Variants in EPHA3 observed in about 807,000 individuals in gnomAD.
EPHA3 encodes EPH receptor A3, also known as ephrin type-A receptor 3.
EPHA3 carries 42 observed loss-of-function variants against 107.1 expected under a neutral mutation model. The ratio of observed to expected loss-of-function variants is 0.39; its 90% CI spans 0.31 to 0.51. The LOEUF (loss-of-function observed/expected upper bound fraction) is 0.51. EPHA3 is among the 20% of genes least tolerant of loss of function. The pLI is 0.78. For missense variants in EPHA3, 1,183 were observed against 1,211.2 expected (o/e 0.98, Z 0.35); for synonymous variants, 461 against 424.8 (o/e 1.09, Z -1.05).
At chr3:89,403,112 G>A (rs1191230576) in intron 7 of EPHA3, among the ~76,000 whole-genome samples, 3 of 152,178 alleles carry the variant, frequency 2.0e-5, no homozygotes, top group African/African-American at 4.8e-5. Flanking sequence ...TGGAGGCAGA[G>A]CAGAGCACAT....
At chr3:89,195,472 A>G (rs1705817507) in intron 2 of EPHA3, among the ~76,000 whole-genome samples, 2 of 152,170 alleles carry the variant, frequency 1.3e-5, no homozygotes. Flanking sequence ...GGATAAAATG[A>G]TGCAATGCCA....
At chr3:89,218,094 G>A (rs971750047) in intron 3 of EPHA3, among the ~76,000 whole-genome samples, 2 of 152,146 alleles carry the variant, frequency 1.3e-5, no homozygotes, top group South Asian at 2.1e-4. Flanking sequence ...GAATTGGGGG[G>A]AAGGAGGATA....
At chr3:89,229,940 T>C (rs1704589918) in intron 3 of EPHA3, among the ~76,000 whole-genome samples, 1 of 151,844 alleles carries the variant, frequency 6.6e-6, no homozygotes, top group African/African-American at 2.4e-5. Context: ...AAAATGTCAA[T>C]TTTAGAATAT....
chr3:89,172,827 T>C (rs1252230671), intron 2 of EPHA3, among the ~76,000 whole-genome samples: 3 of 152,162 alleles, frequency 2.0e-5, no homozygotes, highest in Non-Finnish European at 2.9e-5. Context: ...ATTGTCATGA[T>C]TTATTCTGTC....
chr3:89,219,688 G>GTGTTTTTTTTTGTATTTTTT, intron 3 of EPHA3, among the ~76,000 whole-genome samples: 1 of 34,440 alleles, frequency 2.9e-5, no homozygotes, highest in Non-Finnish European at 5.2e-5. Context: ...ATTTGGCAAT[G>GTGTTTTTTTTTGTATTTTTT]TTTTTTTTTT....
chr3:89,169,371 G>A (rs1206983771), intron 2 of EPHA3, among the ~76,000 whole-genome samples: 1 of 152,020 alleles, frequency 6.6e-6, no homozygotes, highest in Admixed American at 6.6e-5. Flanking sequence ...CATAGTAGTT[G>A]GGTCTTAGCT....
intron 5 of EPHA3, among the ~76,000 whole-genome samples, chr3:89,371,814 T>C (rs1357995761): frequency 2.6e-5 from 4 of 151,604 alleles, no homozygotes; most frequent in Non-Finnish European, 5.9e-5. Context: ...ATTTATTATA[T>C]GGAAATCTTT....
At chr3:89,115,729 A>G (rs544584246) in intron 1 of EPHA3, among the ~76,000 whole-genome samples, 15 of 152,316 alleles carry the variant, frequency 9.8e-5, no homozygotes, top group African/African-American at 3.1e-4. Flanking sequence ...AATAGGTAAC[A>G]TAATGTTTCC....
intron 3 of EPHA3, among the ~76,000 whole-genome samples, chr3:89,286,118 A>C: frequency 1.0e-5 from 1 of 99,762 alleles, no homozygotes; most frequent in Non-Finnish European, 2.1e-5. Flanking sequence ...ATCAATTTCT[A>C]CGTGTGTGTG....
chr3:89,216,817 T>C (rs781030289), intron 3 of EPHA3, among the ~76,000 whole-genome samples: 4 of 152,162 alleles, frequency 2.6e-5, no homozygotes, highest in Non-Finnish European at 5.9e-5. Context: ...ATACATGTAA[T>C]GATTCCAGAG....
chr3:89,109,312 T>C (rs1707044013), intron 1 of EPHA3, among the ~76,000 whole-genome samples: 1 of 152,128 alleles, frequency 6.6e-6, no homozygotes, highest in African/African-American at 2.4e-5. Flanking sequence ...GAATGAAAGG[T>C]AAGAGTATTC....
At chr3:89,341,182 T>C (rs1576321728) in intron 4 of EPHA3, 111 bp downstream of exon 4, 4 of 1,169,994 alleles carry the variant, frequency 3.4e-6, no homozygotes, top group Non-Finnish European at 4.7e-6. Flanking sequence ...CTGTTGCCCG[T>C]GTGCAAATTG....
intron 5 of EPHA3, among the ~76,000 whole-genome samples, chr3:89,368,640 T>C (rs1337100984): frequency 1.3e-5 from 2 of 150,226 alleles, no homozygotes; most frequent in East Asian, 3.9e-4. Context: ...CAGGAAAAGA[T>C]AGATTTCCCA....
At chr3:89,450,150 T>C (rs767438668) in intron 14 of EPHA3, 27 bp from the exon 15 acceptor site, 1 of 1,532,876 alleles carries the variant, frequency 6.5e-7, no homozygotes, top group Admixed American at 2.0e-5. Context: ...AACTTCCTGG[T>C]TCCTGAAAAC....
At chr3:89,285,302 C>T (rs142074901) in intron 3 of EPHA3, among the ~76,000 whole-genome samples, 4 of 152,174 alleles carry the variant, frequency 2.6e-5, no homozygotes, top group African/African-American at 9.6e-5. Context: ...CCTTCATTTA[C>T]TCTTTCATTT....
chr3:89,342,743 A>G (rs908174317), intron 5 of EPHA3, among the ~76,000 whole-genome samples: 11 of 152,166 alleles, frequency 7.2e-5, no homozygotes, highest in African/African-American at 2.7e-4. Context: ...AATGTCTTGT[A>G]CAAAGCTAAA....
intron 5 of EPHA3, among the ~76,000 whole-genome samples, chr3:89,387,559 C>T (rs914616429): frequency 6.6e-6 from 1 of 152,112 alleles, no homozygotes; most frequent in African/African-American, 2.4e-5. Flanking sequence ...CTGATATAAC[C>T]TCTTTCACAC....
At chr3:89,337,245 GA>G (rs967620861) in intron 3 of EPHA3, among the ~76,000 whole-genome samples, 3 of 152,088 alleles carry the variant, frequency 2.0e-5, no homozygotes, top group Non-Finnish European at 2.9e-5. Flanking sequence ...AGAATTGGTA[GA>G]AAAATAATTT....
chr3:89,367,886 C>T (rs1464431230), intron 5 of EPHA3, among the ~76,000 whole-genome samples: 1 of 150,586 alleles, frequency 6.6e-6, no homozygotes, highest in Admixed American at 6.7e-5. Context: ...GCTACAGAAT[C>T]GTTTATCTGT....
Sources: allele counts gnomAD v4.1 joint callset (sites outside exome capture counted in the v4.1 genomes callset), GRCh38; gene constraint gnomAD v4.1.1; transcripts MANE v1.5; gene names NCBI Gene and HGNC (gene_info 2026-07-23, HGNC 2026-07-21).